Variants in MET observed in about 807,000 individuals in gnomAD.
MET encodes hepatocyte growth factor receptor.
MET carries 48 observed loss-of-function variants against 133.1 expected under a neutral mutation model. That is an observed-to-expected ratio of 0.36 (90% CI 0.29 to 0.46). MET has a LOEUF of 0.46. MET is among the 20% of genes least tolerant of loss of function. The pLI, the probability that MET is intolerant of heterozygous loss-of-function variation, is 1.00. For synonymous variants in MET, 628 were observed against 616.5 expected (o/e 1.02, Z -0.28); for missense variants, 1,442 against 1,695.9 (o/e 0.85, Z 2.63).
chr7:116,752,986 T>A (rs1178430025), intron 5 of MET, among the ~76,000 whole-genome samples: 1 of 152,106 alleles, frequency 6.6e-6, no homozygotes, highest in Non-Finnish European at 1.5e-5. Flanking sequence ...ATAATAATAA[T>A]AAACAGATTT....
rs1795702617 is a variant in MET, at chr7:116,797,144, AT to A, written c.*1021del. 1 of 200,398 alleles carries A rather than the reference AT, an allele frequency of 5.0e-6. No individual in the cohort carries two copies. The highest frequency in any genetic ancestry group is 2.3e-5 in the African/African-American group (1 of 43,566). The allele number at this position is 200,398 out of a possible 1,614,324, so 12.4% of individuals were successfully genotyped here. The stretch of plus-strand genomic sequence containing the variant: ...GAATGATGCTACTCTGATCTAATGA[AT>A]GTGAACATGTAGATGTTTTGTGTGT... On this transcript the variant is annotated 3_prime_UTR_variant, in exon 21 of 21. Transcript: ENST00000397752.
At chr7:116,792,095 T>C (rs202086515) in intron 19 of MET, among the ~76,000 whole-genome samples, 1 of 150,320 alleles carries the variant, frequency 6.7e-6, no homozygotes, top group Non-Finnish European at 1.5e-5. Context: ...ATTTTTTTTC[T>C]TTTATCAATC....
chr7:116,796,133 C>T lies in MET; in HGVS notation c.*9C>T, dbSNP rs2117114455. On this transcript the variant is annotated 3_prime_UTR_variant, in exon 21 of 21. Transcript: ENST00000397752. ...TCTGGGAGACATCATAGTGCTAGTA[C>T]TATGTCAAAGCAACAGTCCACACTT... 1 of 1,610,992 alleles carries T rather than the reference C, an allele frequency of 6.2e-7. No individual in the cohort carries two copies. Among genetic ancestry groups the T allele is most frequent in the Non-Finnish European group, 8.5e-7 (1 of 1,177,406 alleles).
At chr7:116,676,953 G>T (rs1796179046) in intron 1 of MET, among the ~76,000 whole-genome samples, 1 of 151,856 alleles carries the variant, frequency 6.6e-6, no homozygotes, top group South Asian at 2.1e-4. Flanking sequence ...CTTGGTTTAT[G>T]AGACATGGAA....
At chr7:116,718,063 G>C (rs1792315071) in intron 2 of MET, among the ~76,000 whole-genome samples, 1 of 152,102 alleles carries the variant, frequency 6.6e-6, no homozygotes, top group Non-Finnish European at 1.5e-5. Flanking sequence ...TTTGGGCTAA[G>C]GAAGCAAGTT....
intron 1 of MET, among the ~76,000 whole-genome samples, chr7:116,676,997 T>TG (rs1035496938): frequency 5.9e-5 from 9 of 151,536 alleles, no homozygotes; most frequent in Admixed American, 2.6e-4. Context: ...TGTTTTTTTT[T>TG]TTGTTTTTTT....
At chr7:116,723,057 G>C (rs1277060801) in intron 2 of MET, among the ~76,000 whole-genome samples, 1 of 142,182 alleles carries the variant, frequency 7.0e-6, no homozygotes, top group Non-Finnish European at 1.5e-5. Context: ...AGTTCTCCTG[G>C]ATAATATCCT....
At position 116,796,095 on chromosome 7, in the gene MET, C is replaced by A. The variant is rs200315561; in HGVS notation, c.4144C>A (p.Arg1382=). ...EDNADDEVDT[R]PASFWETS The stretch of plus-strand genomic sequence containing the variant: ...TAACGCTGATGATGAGGTGGACACA[C>A]GACCAGCCTCCTTCTGGGAGACATC... The change falls in exon 21 of 21, where the codon CGA becomes AGA. Residue 1382 remains arginine, a synonymous_variant. Coordinates refer to ENST00000397752, the MANE Select transcript of MET (RefSeq NM_000245.4). 6.2e-6 allele frequency: 10 copies of A among 1,614,010 alleles called. No homozygotes were observed. The highest frequency in any genetic ancestry group is 2.2e-5 in the East Asian group (1 of 44,902).
At chr7:116,726,169 A>G (rs1792772229) in intron 2 of MET, among the ~76,000 whole-genome samples, 1 of 122,562 alleles carries the variant, frequency 8.2e-6, no homozygotes, top group African/African-American at 3.1e-5. Flanking sequence ...ATATATATAT[A>G]TATATATATG....
intron 18 of MET, among the ~76,000 whole-genome samples, chr7:116,782,614 GTT>G (rs1209245083): frequency 6.6e-6 from 1 of 152,222 alleles, no homozygotes; most frequent in Non-Finnish European, 1.5e-5. Context: ...TTGAGTTCAT[GTT>G]TTCCCTTGCA....
chr7:116,763,005 C>G, intron 10 of MET, 45 bp from the exon 11 acceptor site: 4 of 1,519,728 alleles, frequency 2.6e-6, no homozygotes, highest in Non-Finnish European at 3.7e-6. Flanking sequence ...ATGGATGTTG[C>G]CAAGCTGTAT....
chr7:116,733,492 T>A (rs972002186), intron 3 of MET, among the ~76,000 whole-genome samples: 12 of 152,344 alleles, frequency 7.9e-5, no homozygotes, highest in Admixed American at 7.2e-4. Context: ...ATACAATTCC[T>A]TATTTAAATA....
At chr7:116,789,180 G>C (rs73471137) in intron 19 of MET, among the ~76,000 whole-genome samples, 8,705 of 151,906 alleles carry the variant, frequency 0.057, 353 homozygotes, top group East Asian at 0.11. Context: ...ATCCTCAATG[G>C]CTTCTCTTCC....
chr7:116,747,572 C>A (rs1368257141), intron 5 of MET, among the ~76,000 whole-genome samples: 1 of 152,136 alleles, frequency 6.6e-6, no homozygotes, highest in Admixed American at 6.5e-5. Flanking sequence ...ACCAGAAGAG[C>A]TAACTATCCT....
In MET at chr7:116,796,048, C is replaced by A. The variant is rs778084120; in HGVS notation, c.4097C>A (p.Pro1366His). The A allele has an allele frequency of 1.9e-6, 3 of 1,613,994 alleles. No individual in the cohort carries two copies. The highest frequency in any genetic ancestry group is 1.1e-5 in the South Asian group (1 of 91,070). The part of the protein sequence containing the change: ...YVNVKCVAPY[P>H]SLLSSEDNAD... ...AACGTAAAATGTGTCGCTCCGTATC[C>A]TTCTCTGTTGTCATCAGAAGATAAC... Residue 1366 changes from proline (P) to histidine (H), a missense_variant, in exon 21 of 21, where the codon CCT (proline) becomes CAT (histidine). Physicochemically the swap from Pro to His is moderately conservative, Grantham distance 77 (BLOSUM62 -2). Coordinates refer to ENST00000397752, the MANE Select transcript of MET (RefSeq NM_000245.4).
chr7:116,674,648 T>C (rs1796089549), intron 1 of MET, among the ~76,000 whole-genome samples: 1 of 152,214 alleles, frequency 6.6e-6, no homozygotes, highest in African/African-American at 2.4e-5. Context: ...TTTCTCCAAG[T>C]GGCTGCACCA....
At position 116,706,181 on chromosome 7, in the gene MET, T is replaced by A. The variant is rs1356445659; in HGVS notation, c.1200+5897T>A. ...TTAATTCATGATATGATTGATAATA[T>A]CTCTCACTTGTGTGGGGAATGAAGC... On this transcript the variant is annotated intron_variant, in intron 2 of 20. Coordinates refer to ENST00000397752, the MANE Select transcript of MET (RefSeq NM_000245.4). Among the ~76,000 whole-genome samples the A allele has an allele frequency of 2.0e-5, 3 of 152,146 alleles. No individual in the cohort carries two copies. The East Asian group carries it at 5.8e-4, about 29-fold the overall frequency.
At chr7:116,686,404 C>T (rs533817358) in intron 1 of MET, among the ~76,000 whole-genome samples, 6 of 152,170 alleles carry the variant, frequency 3.9e-5, no homozygotes, top group African/African-American at 1.2e-4. Context: ...CAAACCTATC[C>T]CCATACCTCT....
In MET at chr7:116,672,385, CG is replaced by C. The variant is rs1796003682; in HGVS notation, c.-205del. ...GGCGGGCGGGGCGCTGGGCTCAGCC[CG>C]GCCGCAGGTGACCCGGAGGCCCTCG... On this transcript the variant is annotated 5_prime_UTR_variant, in exon 1 of 21. Transcript: ENST00000397752. The C allele has an allele frequency of 8.1e-6, 3 of 371,884 alleles. No individual in the cohort carries two copies. The highest frequency in any genetic ancestry group is 1.4e-5 in the Non-Finnish European group (3 of 208,956). 23.0% of individuals were successfully genotyped at this position (371,884 alleles called of 1,614,324 possible). A position where few individuals can be genotyped will look rare whatever the true frequency, so the allele number is the denominator to read the frequency against.
Sources: gnomAD v4.1 joint callset for allele counts (sites outside exome capture counted in the v4.1 genomes callset) on GRCh38, gnomAD v4.1.1 for gene constraint, MANE v1.5 for transcripts, NCBI Gene and HGNC (gene_info 2026-07-23, HGNC 2026-07-21) for gene names.